The following NSUN7 variants were observed in gnomAD, a reference collection of about 807,000 sequenced individuals.
The protein encoded by NSUN7 is protein NSUN7.
A neutral mutation model predicts 58.5 loss-of-function variants in NSUN7; 39 were observed. The observed-to-expected ratio is 0.67, with a 90% CI of 0.52 to 0.87. The LOEUF is 0.87. Among genes scored for constraint, NSUN7 ranks in the 40% least tolerant of loss-of-function variants. The pLI, the probability that NSUN7 is intolerant of heterozygous loss-of-function variation, is 0.00. For missense variants in NSUN7, 765 were observed against 844.1 expected (o/e 0.91, Z 1.16); for synonymous variants, 278 against 303.7 (o/e 0.92, Z 0.88).
intron 11 of NSUN7, 44 bp from the exon 12 acceptor site, chr4:40,808,260 CAAT>C (rs774914816): frequency 5.2e-6 from 8 of 1,541,068 alleles, no homozygotes; most frequent in South Asian, 1.3e-5. Flanking sequence ...GCGGGAGACA[CAAT>C]AATAGCTAAC....
In NSUN7 at chr4:40,809,192, C is replaced by T. The variant is rs913095295; in HGVS notation, c.*253C>T. The stretch of plus-strand genomic sequence containing the variant: ...GATCCAGTTAGAGACTCAGTATCAG[C>T]GGTCAGAACTTATCTCACTCCTGTG... On this transcript the variant is annotated 3_prime_UTR_variant, in exon 12 of 12. Transcript: ENST00000381782. The T allele has an allele frequency of 1.1e-5, 4 of 370,414 alleles. No homozygotes were observed. Among genetic ancestry groups the T allele is most frequent in the Non-Finnish European group, 1.9e-5 (4 of 205,864 alleles). 22.9% of individuals were successfully genotyped at this position (370,414 alleles called of 1,614,324 possible).
intron 10 of NSUN7, among the ~76,000 whole-genome samples, chr4:40,804,438 C>CAA (rs397817300): frequency 2.0e-4 from 22 of 109,290 alleles, no homozygotes; most frequent in African/African-American, 6.2e-4. Context: ...GACTCCATCT[C>CAA]AAAAAAAAAA....
In NSUN7 at chr4:40,760,451, A is replaced by G. The variant is rs1741393471; in HGVS notation, c.316A>G (p.Thr106Ala). Residue 106 changes from threonine (T) to alanine (A), a missense_variant, in exon 3 of 12, where the codon ACT becomes GCT. Physicochemically the swap from Thr to Ala is moderately conservative, Grantham distance 58. Transcript: ENST00000381782. ...SALKYQDILE[T>A]ILIDSCIFPS... ...TTTTGCAGATCAAGATATTTTGGAA[A>G]CTATATTGATAGACAGCTGTATCTT... 1 of 1,609,908 alleles carries G rather than the reference A, an allele frequency of 6.2e-7. No homozygotes were observed. Among genetic ancestry groups the G allele is most frequent in the African/African-American group, 1.3e-5 (1 of 74,720 alleles).
chr4:40,802,502 G>T (rs768316780), intron 10 of NSUN7, among the ~76,000 whole-genome samples: 1 of 152,134 alleles, frequency 6.6e-6, no homozygotes, highest in Non-Finnish European at 1.5e-5. Flanking sequence ...TTTTTATTAT[G>T]TGATGGTCTG....
At position 40,776,263 on chromosome 4, in the gene NSUN7, T is replaced by C. The variant is rs1742263317; in HGVS notation, c.1036+4T>C. On this transcript the variant is annotated splice_donor_region_variant and intron_variant, in intron 7 of 11. Transcript: ENST00000381782. ...TTCACAAAAATAGGATGTAAAAGTA[T>C]GTAAAAATATTTCTTCATTTGGTGA... 2 of 1,553,488 alleles carry C rather than the reference T, an allele frequency of 1.3e-6. No homozygotes were observed. The highest frequency in any genetic ancestry group is 1.7e-6 in the Non-Finnish European group (2 of 1,147,628).
intron 5 of NSUN7, 75 bp from the exon 6 acceptor site, chr4:40,774,692 G>A: frequency 1.1e-6 from 1 of 933,842 alleles, no homozygotes; most frequent in Non-Finnish European, 1.6e-6. Flanking sequence ...TTTGTTACAG[G>A]AAAAAGGTGT....
At chr4:40,777,499 A>G (rs1291605655) in intron 7 of NSUN7, among the ~76,000 whole-genome samples, 1 of 151,854 alleles carries the variant, frequency 6.6e-6, no homozygotes, top group Non-Finnish European at 1.5e-5. Context: ...ATGCCCCGCT[A>G]ATTTTTGTAT....
chr4:40,759,038 G>GTA (rs1741311992), intron 2 of NSUN7, among the ~76,000 whole-genome samples: 1 of 152,138 alleles, frequency 6.6e-6, no homozygotes, highest in African/African-American at 2.4e-5. Flanking sequence ...CGCCGGGCAC[G>GTA]GTGGCTCACG....
rs370956161 is a variant in NSUN7, at chr4:40,790,397, T to G, written c.1037-205T>G. Among the ~76,000 whole-genome samples the G allele has an allele frequency of 2.0e-4, 31 of 152,268 alleles. No homozygotes were observed. The South Asian group carries it at 6.2e-3, about 31-fold the overall frequency. On this transcript the variant is annotated intron_variant, in intron 7 of 11. Transcript: ENST00000381782. ...TTTTAAATTTCAACATCATTTCAGG[T>G]GAAGGAGAAAACATTCTATTAATAG...
At chr4:40,773,360 C>T (rs563946080) in intron 4 of NSUN7, 1 of 152,316 alleles carries the variant, frequency 6.6e-6, no homozygotes, top group East Asian at 1.9e-4. Context: ...TTGTCTGACT[C>T]TAAATCCTAG....
At chr4:40,783,229 A>G (rs4861311) in intron 7 of NSUN7, among the ~76,000 whole-genome samples, 71,317 of 152,094 alleles carry the variant, frequency 0.47, 17,003 homozygotes, top group Admixed American at 0.59. Context: ...TTATGGTCAG[A>G]CTTTCAACAA....
intron 4 of NSUN7, among the ~76,000 whole-genome samples, chr4:40,772,872 A>G (rs1030648620): frequency 2.0e-5 from 3 of 152,146 alleles, no homozygotes; most frequent in Non-Finnish European, 4.4e-5. Context: ...TTCTCACTCA[A>G]GGTTATACTT....
In NSUN7 at chr4:40,785,968, G is replaced by GC. The variant is rs1742801998; in HGVS notation, c.1037-4632dup. Reference sequence around the variant, plus strand: ...GGTGCCAGGGAATAGGTATCAGGGCGCCTCCCCAGCGGCTGGGAGAGACGC... The same window carrying GC: ...GGTGCCAGGGAATAGGTATCAGGGCGCCCTCCCCAGCGGCTGGGAGAGACGC... On this transcript the variant is annotated intron_variant, in intron 7 of 11. Coordinates refer to ENST00000381782, the MANE Select transcript of NSUN7 (RefSeq NM_024677.6). The GC allele has an allele frequency of 3.5e-6, 4 of 1,149,094 alleles. No individual in the cohort carries two copies. The Admixed American group carries it at 8.4e-5, about 24-fold the overall frequency. 71.2% of individuals were successfully genotyped at this position (1,149,094 alleles called of 1,614,324 possible).
intron 7 of NSUN7, among the ~76,000 whole-genome samples, chr4:40,789,266 T>C (rs1272417283): frequency 2.0e-5 from 3 of 152,206 alleles, no homozygotes. Context: ...TGGGAAACTC[T>C]GGCAGGGCAA....
Position 40,810,637 on chromosome 4 carries a change from T to C in NSUN7, c.*1698T>C, listed in dbSNP as rs1458085957. The C allele has an allele frequency of 6.6e-6, 1 of 151,392 alleles. No individual in the cohort carries two copies. The highest frequency in any genetic ancestry group is 1.5e-5 in the Non-Finnish European group (1 of 67,912). The allele number at this position is 151,392 out of a possible 1,614,324, so 9.4% of individuals were successfully genotyped here. ...AGAAAGGAAACAAGACTTTTTATAG[T>C]TGAACCAGGCTTATTGTATTTTAAA... On this transcript the variant is annotated 3_prime_UTR_variant, in exon 12 of 12. Transcript: ENST00000381782.
At chr4:40,796,032 C>T (rs1743309788) in intron 9 of NSUN7, among the ~76,000 whole-genome samples, 1 of 152,142 alleles carries the variant, frequency 6.6e-6, no homozygotes. Flanking sequence ...AATTCCCTTA[C>T]CCTCTAAGAC....
intron 7 of NSUN7, among the ~76,000 whole-genome samples, chr4:40,779,186 G>A (rs902622507): frequency 4.6e-5 from 7 of 152,100 alleles, no homozygotes; most frequent in Admixed American, 1.3e-4. Context: ...GCTGGATGTA[G>A]TGATGTGCAG....
chr4:40,787,707 T>C (rs1400024087), intron 7 of NSUN7, among the ~76,000 whole-genome samples: 4 of 152,234 alleles, frequency 2.6e-5, no homozygotes, highest in Non-Finnish European at 5.9e-5. Context: ...AAAATTTTAT[T>C]CCTATATGAT....
At chr4:40,767,357 G>A (rs1481141374) in intron 4 of NSUN7, among the ~76,000 whole-genome samples, 1 of 152,214 alleles carries the variant, frequency 6.6e-6, no homozygotes, top group East Asian at 1.9e-4. Flanking sequence ...AGTCATTCAG[G>A]AGTAGGTTGT....
Sources: gnomAD v4.1 joint callset for allele counts (sites outside exome capture counted in the v4.1 genomes callset) on GRCh38, gnomAD v4.1.1 for gene constraint, MANE v1.5 for transcripts, NCBI Gene and HGNC (gene_info 2026-07-23, HGNC 2026-07-21) for gene names.